MAP3K9: variants seen among roughly 807,000 people sequenced by gnomAD.
MAP3K9 encodes mixed lineage kinase 1 (tyr and ser/thr specificity).
Under a neutral mutation model 95.8 loss-of-function variants are expected in MAP3K9, and 46 were observed. That is an observed-to-expected ratio of 0.48 (90% CI 0.38 to 0.61). MAP3K9 has a LOEUF of 0.61. MAP3K9 is among the 20% of genes least tolerant of loss of function. MAP3K9 has a pLI of 0.00. For missense variants in MAP3K9, 1,296 were observed against 1,474.3 expected (o/e 0.88, Z 1.98); for synonymous variants, 533 against 593.8 (o/e 0.90, Z 1.49).
At chr14:70,769,589 G>A (rs908601419) in intron 2 of MAP3K9, among the ~76,000 whole-genome samples, 1 of 152,126 alleles carries the variant, frequency 6.6e-6, no homozygotes, top group African/African-American at 2.4e-5. Flanking sequence ...CAAGGTGTCG[G>A]CAGGGCCATC....
At chr14:70,802,645 A>G (rs2054943581) in intron 1 of MAP3K9, among the ~76,000 whole-genome samples, 1 of 152,182 alleles carries the variant, frequency 6.6e-6, no homozygotes, top group Non-Finnish European at 1.5e-5. Flanking sequence ...CTCCATCACC[A>G]AGACCAAATG....
In MAP3K9 at chr14:70,733,289, G is replaced by GTAT; in HGVS notation, c.2079_2080insATA (p.Ser693_Pro694insIle). 6.2e-7 allele frequency: 1 copy of GTAT among 1,605,224 alleles called. No homozygotes were observed. Among genetic ancestry groups the GTAT allele is most frequent in the African/African-American group, 1.3e-5 (1 of 74,872 alleles). ...GGGATACAGAGGTAGGACTGGCTGGGTGAATGCTGTAGGCGACTCTCTCCA... is the reference window on the plus strand; with the variant it reads ...GGGATACAGAGGTAGGACTGGCTGGGTATTGAATGCTGTAGGCGACTCTCTCCA... On this transcript the variant is annotated inframe_insertion, in exon 11 of 12. Transcript: ENST00000554752.
At chr14:70,798,648 T>G (rs2054894077) in intron 2 of MAP3K9, among the ~76,000 whole-genome samples, 1 of 151,144 alleles carries the variant, frequency 6.6e-6, no homozygotes, top group Non-Finnish European at 1.5e-5. Context: ...CCGGCTAATT[T>G]TTTGTATTTT....
intron 2 of MAP3K9, among the ~76,000 whole-genome samples, chr14:70,775,785 A>T (rs1257143315): frequency 6.6e-6 from 1 of 152,196 alleles, no homozygotes; most frequent in African/African-American, 2.4e-5. Flanking sequence ...TTTCCACTAG[A>T]ACCCAGGAGG....
intron 3 of MAP3K9, among the ~76,000 whole-genome samples, chr14:70,753,645 A>T (rs1433506316): frequency 6.6e-6 from 1 of 152,140 alleles, no homozygotes; most frequent in African/African-American, 2.4e-5. Context: ...TCGTTCAGCT[A>T]AGTCACTGCC....
rs770107314 is a variant in MAP3K9, at chr14:70,750,079, TA to T, written c.1003del (p.Tyr335MetfsTer9). Reference sequence around the variant, plus strand: ...CAGCAACTCCCAAAGTAGCACCCCATAGCTAAGGAGAGGAAGAAGACAGAAG... The same window carrying T: ...CAGCAACTCCCAAAGTAGCACCCCATGCTAAGGAGAGGAAGAAGACAGAAG... The part of the protein sequence containing the change: ...MFSKGSDVWS[Y>X]GVLLWELLTG... On this transcript the variant is annotated frameshift_variant and splice_region_variant, in exon 4 of 12. Transcript: ENST00000554752. LOFTEE classifies it high-confidence loss of function. The T allele has an allele frequency of 1.2e-6, 2 of 1,614,130 alleles. No individual in the cohort carries two copies. Among genetic ancestry groups the T allele is most frequent in the Non-Finnish European group, 1.7e-6 (2 of 1,180,020 alleles).
intron 3 of MAP3K9, among the ~76,000 whole-genome samples, chr14:70,753,636 C>A (rs148895908): frequency 6.6e-6 from 1 of 152,164 alleles, no homozygotes; most frequent in African/African-American, 2.4e-5. Context: ...TGGAAGAACT[C>A]GTTCAGCTAA....
chr14:70,795,369 T>G (rs2054853160), intron 2 of MAP3K9, among the ~76,000 whole-genome samples: 1 of 151,998 alleles, frequency 6.6e-6, no homozygotes, highest in African/African-American at 2.4e-5. Flanking sequence ...AGTGCAATGT[T>G]ACAATCACTG....
At chr14:70,791,014 C>T (rs1197088698) in intron 2 of MAP3K9, among the ~76,000 whole-genome samples, 1 of 152,178 alleles carries the variant, frequency 6.6e-6, no homozygotes, top group Non-Finnish European at 1.5e-5. Context: ...TGAACAATGA[C>T]GGTGCCACAG....
chr14:70,748,797 CGTT>C, intron 5 of MAP3K9, 29 bp downstream of exon 5: 1 of 1,567,502 alleles, frequency 6.4e-7, no homozygotes, highest in Non-Finnish European at 8.7e-7. Flanking sequence ...TCTTTTCGTT[CGTT>C]TTTTTGTTGT....
In MAP3K9 at chr14:70,809,046, C is replaced by T; in HGVS notation, c.126G>A (p.Ala42=). Residue 42 remains alanine (A), a synonymous_variant, in exon 1 of 12, where the codon GCG becomes GCA. Transcript: ENST00000554752. ...EEEEEEEAAA[A]VGPGELGCDA... is the part of the protein sequence containing the mutation. ...CGCAGCCCAGCTCCCCGGGGCCCACCGCCGCCGCCGCCTCCTCCTCCTCCT... is the reference window on the plus strand; with the variant it reads ...CGCAGCCCAGCTCCCCGGGGCCCACTGCCGCCGCCGCCTCCTCCTCCTCCT... 1 of 1,445,664 alleles carries T rather than the reference C, an allele frequency of 6.9e-7. No homozygotes were observed. The highest frequency in any genetic ancestry group is 2.8e-5 in the East Asian group (1 of 35,544). 89.6% of individuals were successfully genotyped at this position (1,445,664 alleles called of 1,614,324 possible). A position where few individuals can be genotyped will look rare whatever the true frequency, so the allele number is the denominator to read the frequency against.
intron 2 of MAP3K9, among the ~76,000 whole-genome samples, chr14:70,781,794 G>T (rs539478038): frequency 6.6e-6 from 1 of 152,292 alleles, no homozygotes; most frequent in South Asian, 2.1e-4. Context: ...GCCTGATTCA[G>T]AGCCCACAAC....
chr14:70,734,158 T>C (rs1474095108), intron 10 of MAP3K9, among the ~76,000 whole-genome samples: 1 of 152,200 alleles, frequency 6.6e-6, no homozygotes, highest in Non-Finnish European at 1.5e-5. Context: ...TAAACTTCCT[T>C]TTGGTTGCTA....
intron 5 of MAP3K9, among the ~76,000 whole-genome samples, chr14:70,744,995 G>A (rs937097433): frequency 6.6e-6 from 1 of 152,140 alleles, no homozygotes; most frequent in Non-Finnish European, 1.5e-5. Flanking sequence ...CTGAATTCCT[G>A]GCAAGAGGGG....
chr14:70,779,804 G>A (rs932382767), intron 2 of MAP3K9, among the ~76,000 whole-genome samples: 5 of 152,326 alleles, frequency 3.3e-5, no homozygotes, highest in East Asian at 3.9e-4. Context: ...TTGCCAACGC[G>A]GCTCAGTCCT....
intron 5 of MAP3K9, among the ~76,000 whole-genome samples, chr14:70,748,093 C>A (rs2054173736): frequency 1.6e-5 from 2 of 125,556 alleles, no homozygotes; most frequent in Middle Eastern, 4.5e-3. Flanking sequence ...GGCGACAGAG[C>A]GAGACTGTCT....
At chr14:70,731,444 CA>C (rs1222587956) in intron 11 of MAP3K9, among the ~76,000 whole-genome samples, 3 of 150,634 alleles carry the variant, frequency 2.0e-5, no homozygotes. Flanking sequence ...AACTTTGTCT[CA>C]AAAAAAAGAA....
At chr14:70,804,965 A>C (rs1293017186) in intron 1 of MAP3K9, among the ~76,000 whole-genome samples, 2 of 152,216 alleles carry the variant, frequency 1.3e-5, no homozygotes, top group African/African-American at 4.8e-5. Context: ...TGTGGATAGG[A>C]ACGAAGGAAC....
Position 70,764,816 on chromosome 14 carries a change from A to AGT in MAP3K9, c.821-3636_821-3635dup, listed in dbSNP as rs1428891905. On this transcript the variant is annotated intron_variant, in intron 2 of 11. Transcript: ENST00000554752. ...CACTGTACTTCAGTTTGGGTGGCAG[A>AGT]GTGAGTGAGACCTCTCTCTCAAAAA... is the stretch of plus-strand genomic sequence containing the variant. Among the ~76,000 whole-genome samples the AGT allele has an allele frequency of 3.3e-5, 5 of 152,154 alleles. No homozygotes were observed. In the South Asian group the frequency reaches 8.3e-4, roughly 25 times the overall value.
Sources: gnomAD v4.1 joint callset for allele counts (sites outside exome capture counted in the v4.1 genomes callset) on GRCh38, gnomAD v4.1.1 for gene constraint, MANE v1.5 for transcripts, NCBI Gene and HGNC (gene_info 2026-07-23, HGNC 2026-07-21) for gene names.